The following TNKS2 variants were observed in gnomAD, a reference collection of about 807,000 sequenced individuals.
The protein encoded by TNKS2 is poly [ADP-ribose] polymerase tankyrase-2.
TNKS2 carries 72 observed loss-of-function variants against 137.6 expected under a neutral mutation model. The observed-to-expected ratio is 0.52, with a 90% CI of 0.43 to 0.64. The LOEUF (loss-of-function observed/expected upper bound fraction) is 0.64, where lower values mean the gene tolerates loss of function less well. Ranked by LOEUF, TNKS2 falls within the 30% of genes least tolerant of loss-of-function variation. TNKS2 has a pLI of 0.00. For missense variants in TNKS2, 1,049 were observed against 1,410.2 expected (o/e 0.74, Z 4.10); for synonymous variants, 516 against 512.1 (o/e 1.01, Z -0.10).
intron 7 of TNKS2, among the ~76,000 whole-genome samples, chr10:91,822,893 G>A (rs1031421435): frequency 6.6e-6 from 1 of 151,624 alleles, no homozygotes; most frequent in African/African-American, 2.4e-5. Flanking sequence ...AAGTAGCACT[G>A]TCATCTTGCT....
intron 2 of TNKS2, 116 bp from the exon 3 acceptor site, chr10:91,817,018 A>T: frequency 1.6e-6 from 1 of 609,972 alleles, no homozygotes; most frequent in Non-Finnish European, 2.9e-6. Flanking sequence ...CAAGATATGA[A>T]AGGTCTTTAA....
intron 23 of TNKS2, 38 bp downstream of exon 23, chr10:91,855,726 C>A: frequency 6.7e-7 from 1 of 1,489,076 alleles, no homozygotes; most frequent in South Asian, 1.2e-5. Flanking sequence ...CTGAGACTGT[C>A]GTTTTCAAAG....
chr10:91,829,283 TAA>T (rs57622995), intron 9 of TNKS2, among the ~76,000 whole-genome samples: 31 of 149,750 alleles, frequency 2.1e-4, no homozygotes, highest in Admixed American at 2.7e-4. Context: ...CTTCTAAATT[TAA>T]AAAAAAAAAA....
At chr10:91,818,044 A>G (rs3802649) in intron 3 of TNKS2, among the ~76,000 whole-genome samples, 5,929 of 152,332 alleles carry the variant, frequency 0.039, 224 homozygotes, top group East Asian at 0.21. Flanking sequence ...CTTCTTCATG[A>G]GAAGACTTCT....
intron 9 of TNKS2, among the ~76,000 whole-genome samples, chr10:91,830,305 C>T (rs953363554): frequency 6.6e-6 from 1 of 152,200 alleles, no homozygotes; most frequent in African/African-American, 2.4e-5. Flanking sequence ...GCAACCTCCA[C>T]CTCCCAGGTT....
intron 17 of TNKS2, among the ~76,000 whole-genome samples, chr10:91,845,500 G>C (rs1446509566): frequency 1.3e-5 from 2 of 152,148 alleles, no homozygotes; most frequent in African/African-American, 2.4e-5. Context: ...AATTATTGAA[G>C]TCATATTAGT....
intron 1 of TNKS2, 33 bp from the exon 2 acceptor site, chr10:91,812,950 G>T: frequency 1.2e-6 from 2 of 1,607,382 alleles, no homozygotes; most frequent in South Asian, 2.2e-5. Flanking sequence ...TTTCCTTGTT[G>T]AACTTACGTG....
intron 18 of TNKS2, among the ~76,000 whole-genome samples, chr10:91,847,888 A>G (rs1275796569): frequency 6.6e-6 from 1 of 152,188 alleles, no homozygotes; most frequent in Non-Finnish European, 1.5e-5. Flanking sequence ...TCTCAGTCAC[A>G]GTATCAGAAT....
chr10:91,815,412 T>A (rs1434694705), intron 2 of TNKS2, among the ~76,000 whole-genome samples: 2 of 152,212 alleles, frequency 1.3e-5, no homozygotes, highest in African/African-American at 4.8e-5. Flanking sequence ...ACATCATTTT[T>A]ACCACATAAC....
chr10:91,841,686 T>TATAA (rs1842213717), intron 15 of TNKS2, among the ~76,000 whole-genome samples: 2 of 152,142 alleles, frequency 1.3e-5, no homozygotes, highest in Admixed American at 1.3e-4. Flanking sequence ...GTTCTCTTAT[T>TATAA]ATTTTTAGTT....
chr10:91,810,860 G>A (rs957884378), intron 1 of TNKS2, among the ~76,000 whole-genome samples: 4 of 149,362 alleles, frequency 2.7e-5, no homozygotes, highest in African/African-American at 7.4e-5. Context: ...TCTGTGTCCT[G>A]GCTGTTATGG....
rs200916374 is a variant in TNKS2, at chr10:91,844,965, A to C, written c.2106A>C (p.Gly702=). ...LEVAEYLLQH[G]ADVNAQDKGG... is the part of the protein sequence containing the mutation. ...TTGCAGAGTATTTGTTACAACACGGAGCTGATGTGAATGCCCAAGACAAAG... is the reference window on the plus strand; with the variant it reads ...TTGCAGAGTATTTGTTACAACACGGCGCTGATGTGAATGCCCAAGACAAAG... Residue 702 remains glycine, a synonymous_variant, in exon 17 of 27, where the codon GGA becomes GGC. Transcript: ENST00000371627. 15 of 1,613,642 alleles carry C rather than the reference A, an allele frequency of 9.3e-6. No homozygotes were observed. In the African/African-American group the frequency reaches 2.0e-4, roughly 22 times the overall value.
chr10:91,817,320 C>A, intron 3 of TNKS2, 91 bp downstream of exon 3: 2 of 728,748 alleles, frequency 2.7e-6, no homozygotes, highest in Non-Finnish European at 4.6e-6. Context: ...ATGACTTCAG[C>A]TAGATTTTTA....
At position 91,812,969 on chromosome 10, in the gene TNKS2, T is replaced by A; in HGVS notation, c.200-14T>A. ...CTTGTTGAACTTACGTGTGGACAAT[T>A]TGTTTTCATCTAGGTTTTGGGCGGA... On this transcript the variant is annotated splice_polypyrimidine_tract_variant and intron_variant, in intron 1 of 26. Coordinates refer to ENST00000371627, the MANE Select transcript of TNKS2 (RefSeq NM_025235.4). 1.2e-6 allele frequency: 2 copies of A among 1,613,418 alleles called. No homozygotes were observed. The highest frequency in any genetic ancestry group is 1.7e-6 in the Non-Finnish European group (2 of 1,179,472).
At chr10:91,811,529 T>C (rs1299145990) in intron 1 of TNKS2, among the ~76,000 whole-genome samples, 1 of 152,056 alleles carries the variant, frequency 6.6e-6, no homozygotes, top group Non-Finnish European at 1.5e-5. Flanking sequence ...AATTATGAGC[T>C]CTTTGAGAGG....
intron 1 of TNKS2, among the ~76,000 whole-genome samples, chr10:91,804,419 T>C (rs1844262930): frequency 6.6e-6 from 1 of 152,232 alleles, no homozygotes. Flanking sequence ...TATGGTTTCA[T>C]CAGAATTTTC....
chr10:91,840,232 C>A (rs565399014), intron 13 of TNKS2, among the ~76,000 whole-genome samples: 1 of 152,070 alleles, frequency 6.6e-6, no homozygotes, highest in South Asian at 2.1e-4. Flanking sequence ...CCCTGCTGCT[C>A]GGGAGGCTGA....
intron 1 of TNKS2, among the ~76,000 whole-genome samples, chr10:91,809,547 T>G (rs1486454844): frequency 1.3e-5 from 2 of 151,840 alleles, no homozygotes; most frequent in African/African-American, 4.8e-5. Context: ...GCGCCTGTAG[T>G]CCCAGCTACT....
intron 25 of TNKS2, among the ~76,000 whole-genome samples, chr10:91,861,489 A>G (rs905496928): frequency 7.5e-6 from 1 of 133,732 alleles, no homozygotes; most frequent in African/African-American, 2.6e-5. Context: ...CAGGAATTAC[A>G]GAAGAAACAG....
Sources: gnomAD v4.1 joint callset for allele counts (sites outside exome capture counted in the v4.1 genomes callset) on GRCh38, gnomAD v4.1.1 for gene constraint, MANE v1.5 for transcripts, NCBI Gene and HGNC (gene_info 2026-07-23, HGNC 2026-07-21) for gene names.